Variants in CYP2A13 observed in about 807,000 individuals in gnomAD.
CYP2A13 encodes the protein cytochrome P450 family 2 subfamily A member 13.
CYP2A13 carries 30 observed loss-of-function variants against 39.4 expected under a neutral mutation model. The observed-to-expected ratio is 0.76, with a 90% CI of 0.57 to 1.03. The LOEUF is 1.03. CYP2A13 is among the 50% of genes least tolerant of loss of function. The pLI is 0.00. For missense variants in CYP2A13, 731 were observed against 648.4 expected (o/e 1.13, Z -1.38); for synonymous variants, 269 against 254.7 (o/e 1.06, Z -0.54).
intron 5 of CYP2A13, among the ~76,000 whole-genome samples, chr19:41,093,350 A>C (rs1484083663): frequency 1.3e-5 from 2 of 152,110 alleles, no homozygotes; most frequent in African/African-American, 4.8e-5. Flanking sequence ...GCAACTTAGC[A>C]AGACCAAGTC....
chr19:41,090,185 G>A lies in CYP2A13; in HGVS notation c.482G>A (p.Arg161Gln), dbSNP rs201711732. Residue 161 changes from arginine to glutamine, a missense_variant, in exon 3 of 9, where the codon CGG becomes CAG. Physicochemically the swap from Arg to Gln is conservative, Grantham distance 43. Coordinates refer to ENST00000330436, the MANE Select transcript of CYP2A13 (RefSeq NM_000766.5). ...EEAGFLIDAL[R>Q]GTHGANIDPT... ...GCGGGCTTCCTCATCGACGCCCTCC[G>A]GGGCACGCACGGTGAGTAGGGGACC... 75 of 1,579,738 alleles carry A rather than the reference G, an allele frequency of 4.7e-5. No individual in the cohort carries two copies. The highest frequency in any genetic ancestry group is 1.2e-5 in the South Asian group (1 of 84,608).
At position 41,095,835 on chromosome 19, in the gene CYP2A13, T is replaced by G. The variant is rs759283954; in HGVS notation, c.1379T>G (p.Phe460Cys). Residue 460 changes from phenylalanine (F) to cysteine (C), a missense_variant, in exon 9 of 9, where the codon TTT becomes TGT. Coordinates refer to ENST00000330436, the MANE Select transcript of CYP2A13 (RefSeq NM_000766.5). ...FLFFTTIMQN[F>C]RFKSPQSPKD... Reference sequence around the variant, plus strand: ...TTCTTCACCACCATCATGCAGAACTTTCGCTTCAAGTCCCCTCAGTCGCCT... The same window carrying G: ...TTCTTCACCACCATCATGCAGAACTGTCGCTTCAAGTCCCCTCAGTCGCCT... 5.0e-5 allele frequency: 80 copies of G among 1,613,960 alleles called. No homozygotes were observed. Among genetic ancestry groups the G allele is most frequent in the Non-Finnish European group, 6.4e-5 (75 of 1,179,986 alleles).
Position 41,096,072 on chromosome 19 carries a change from G to A in CYP2A13, c.*131G>A. The A allele has an allele frequency of 7.3e-7, 1 of 1,367,066 alleles. No individual in the cohort carries two copies. Among genetic ancestry groups the A allele is most frequent in the Non-Finnish European group, 1.0e-6 (1 of 1,004,400 alleles). 84.7% of individuals were successfully genotyped at this position (1,367,066 alleles called of 1,614,324 possible). On this transcript the variant is annotated 3_prime_UTR_variant, in exon 9 of 9. Transcript: ENST00000330436. ...AAGGAAGGGGAGAGGTGGTTAGAGG[G>A]AACAGAAGAAACAGAAGGGGCTCAG...
Position 41,093,771 on chromosome 19 carries a change from G to C in CYP2A13, c.973G>C (p.Ala325Pro), listed in dbSNP as rs200396346. The C allele has an allele frequency of 6.2e-7, 1 of 1,613,718 alleles. No homozygotes were observed. Among genetic ancestry groups the C allele is most frequent in the Non-Finnish European group, 8.5e-7 (1 of 1,179,882 alleles). The change falls in exon 6 of 9, where the codon GCC (alanine) becomes CCC (proline). Residue 325 changes from alanine to proline, a missense_variant and splice_region_variant. Physicochemically the swap from Ala to Pro is conservative, Grantham distance 27. Transcript: ENST00000330436. ...GCTCATGAAGCACCCAGAGGTGGAG[G>C]GTAAGACTGGAAAGGGAGGAAAGTG... is the stretch of plus-strand genomic sequence containing the variant. Reference protein sequence around the residue: ...LLLMKHPEVEAKVHEEIDRVI... With the variant: ...LLLMKHPEVEPKVHEEIDRVI...
At chr19:41,090,731 C>T (rs1481206360) in intron 4 of CYP2A13, among the ~76,000 whole-genome samples, 167 bp downstream of exon 4, 1 of 152,030 alleles carries the variant, frequency 6.6e-6, no homozygotes, top group Admixed American at 6.5e-5. Context: ...AGGAGGGATG[C>T]CCAATACCCA....
At chr19:41,093,878 C>A in intron 6 of CYP2A13, 107 bp downstream of exon 6, 1 of 1,335,086 alleles carries the variant, frequency 7.5e-7, no homozygotes, top group East Asian at 2.3e-5. Flanking sequence ...TGAGACGTGC[C>A]TTGCTGTCCA....
chr19:41,089,079 T>G lies in CYP2A13; in HGVS notation c.331T>G (p.Phe111Val), dbSNP rs750639177. 6.2e-7 allele frequency: 1 copy of G among 1,612,466 alleles called. No individual in the cohort carries two copies. Among genetic ancestry groups the G allele is most frequent in the East Asian group, 2.2e-5 (1 of 44,866 alleles). ...RGEQATFDWL[F>V]KGYGVAFSNG... Reference sequence around the variant, plus strand: ...CGAGCAGGCCACCTTCGACTGGCTCTTCAAAGGCTATGGTGAGGGGGTGCC... The same window carrying G: ...CGAGCAGGCCACCTTCGACTGGCTCGTCAAAGGCTATGGTGAGGGGGTGCC... Residue 111 changes from phenylalanine to valine, a missense_variant, in exon 2 of 9, where the codon TTC becomes GTC. Phe to Val is a conservative substitution (Grantham distance 50). Transcript: ENST00000330436.
chr19:41,095,451 A>G (rs1262072385), intron 8 of CYP2A13, among the ~76,000 whole-genome samples: 2 of 152,162 alleles, frequency 1.3e-5, no homozygotes, highest in Non-Finnish European at 2.9e-5. Flanking sequence ...CCTGGCATGG[A>G]TCACCCCATC....
chr19:41,093,911 A>G (rs1190787563), intron 6 of CYP2A13, 140 bp downstream of exon 6: 4 of 1,038,448 alleles, frequency 3.9e-6, no homozygotes, highest in Admixed American at 2.8e-5. Flanking sequence ...TATTCAGCTG[A>G]TAGGCATCAG....
At chr19:41,091,158 C>A (rs1483027974) in intron 4 of CYP2A13, among the ~76,000 whole-genome samples, 3 of 152,182 alleles carry the variant, frequency 2.0e-5, no homozygotes, top group Non-Finnish European at 4.4e-5. Context: ...GTTCCCCAAC[C>A]CTTTCCAATC....
rs755790496 is a variant in CYP2A13 at position 41,088,546 on chromosome 19, G to A, written c.75G>A (p.Arg25=). The A allele has an allele frequency of 1.2e-6, 2 of 1,613,912 alleles. No individual in the cohort carries two copies. The highest frequency in any genetic ancestry group is 1.3e-5 in the African/African-American group (1 of 74,922). The part of the protein sequence containing the change: ...LTVMVLMSVW[R]QRKSRGKLPP... ...TGATGGTCTTGATGTCAGTCTGGCG[G>A]CAGAGGAAGAGCAGGGGGAAGCTGC... The change falls in exon 1 of 9, where the codon CGG becomes CGA. Residue 25 remains arginine (R), a synonymous_variant. Transcript: ENST00000330436.
rs148766170 is a variant in CYP2A13, at chr19:41,094,405, C to G, written c.1134C>G (p.Thr378=). The G allele has an allele frequency of 2.6e-4, 415 of 1,614,078 alleles. No individual in the cohort carries two copies. In the African/African-American group the frequency reaches 4.5e-3, roughly 17 times the overall value. The change falls in exon 7 of 9, where the codon ACC becomes ACG. Residue 378 remains threonine (T), a synonymous_variant. Coordinates refer to ENST00000330436, the MANE Select transcript of CYP2A13 (RefSeq NM_000766.5). ...MGLAHRVNKD[T]KFRDFFLPKG... is the part of the protein sequence containing the mutation. ...TGGCCCACAGGGTCAACAAGGACAC[C>G]AAGTTTCGGGATTTCTTCCTCCCTA...
Position 41,090,493 on chromosome 19 carries a change from G to T in CYP2A13, c.583G>T (p.Asp195Tyr). 1 of 1,614,166 alleles carries T rather than the reference G, an allele frequency of 6.2e-7. No homozygotes were observed. The highest frequency in any genetic ancestry group is 8.5e-7 in the Non-Finnish European group (1 of 1,180,026). ...IVFGDRFDYE[D>Y]KEFLSLLRMM... ...CTTTGGGGACCGCTTTGACTATGAGGACAAAGAGTTCCTGTCACTGTTGCG... is the reference window on the plus strand; with the variant it reads ...CTTTGGGGACCGCTTTGACTATGAGTACAAAGAGTTCCTGTCACTGTTGCG... The change falls in exon 4 of 9, where the codon GAC becomes TAC. Residue 195 changes from aspartate (D) to tyrosine (Y), a missense_variant. By Grantham distance (160) the Asp-to-Tyr change is radical. Transcript: ENST00000330436.
intron 2 of CYP2A13, 30 bp from the exon 3 acceptor site, chr19:41,090,017 C>T (rs1343802565): frequency 1.2e-6 from 2 of 1,602,864 alleles, no homozygotes; most frequent in Non-Finnish European, 1.7e-6. Context: ...GCCCCCTGAC[C>T]TCTCTCCACC....
chr19:41,088,766 G>A, intron 1 of CYP2A13, 115 bp downstream of exon 1: 1 of 1,537,564 alleles, frequency 6.5e-7, no homozygotes, highest in African/African-American at 1.4e-5. Context: ...GAGTCTTGGA[G>A]TTTCAGCATC....
Position 41,090,570 on chromosome 19 carries a change from T to C in CYP2A13, c.654+6T>C, listed in dbSNP as rs759613949. On this transcript the variant is annotated splice_donor_region_variant and intron_variant, in intron 4 of 8. Transcript: ENST00000330436. Reference sequence around the variant, plus strand: ...CGGCAACCTCCACGGGGCAGGTAACTGGCTGCAGCCCGCCAGTGACGCCCC... The same window carrying C: ...CGGCAACCTCCACGGGGCAGGTAACCGGCTGCAGCCCGCCAGTGACGCCCC... 33 of 1,613,912 alleles carry C rather than the reference T, an allele frequency of 2.0e-5. No homozygotes were observed. In the Middle Eastern group the frequency reaches 2.3e-3, roughly 113 times the overall value.
At chr19:41,089,981 G>A in intron 2 of CYP2A13, 66 bp from the exon 3 acceptor site, 5 of 1,508,160 alleles carry the variant, frequency 3.3e-6, no homozygotes, top group Non-Finnish European at 4.4e-6. Context: ...GGAGCCCCTT[G>A]GAGCTGGTCC....
chr19:41,089,946 C>T (rs1427564228), intron 2 of CYP2A13, 101 bp from the exon 3 acceptor site: 94 of 1,407,468 alleles, frequency 6.7e-5, no homozygotes, highest in Middle Eastern at 2.6e-4. Context: ...TCTCCCACCC[C>T]ACTCCCTCTC....
Position 41,095,923 on chromosome 19 carries a change from G to A in CYP2A13, c.1467G>A (p.Met489Ile). The change falls in exon 9 of 9, where the codon ATG (methionine) becomes ATA (isoleucine). Residue 489 changes from methionine (M) to isoleucine (I), a missense_variant. Coordinates refer to ENST00000330436, the MANE Select transcript of CYP2A13 (RefSeq NM_000766.5). Reference sequence around the variant, plus strand: ...CCACGATCCCACGAAACTACACCATGAGCTTCCTGCCCCGCTGAGCGAGGG... The same window carrying A: ...CCACGATCCCACGAAACTACACCATAAGCTTCCTGCCCCGCTGAGCGAGGG... ...GFATIPRNYT[M>I]SFLPR The A allele has an allele frequency of 1.2e-6, 2 of 1,613,300 alleles. No homozygotes were observed. The highest frequency in any genetic ancestry group is 1.7e-6 in the Non-Finnish European group (2 of 1,179,570).
Sources: gnomAD v4.1 joint callset for allele counts (sites outside exome capture counted in the v4.1 genomes callset) on GRCh38, gnomAD v4.1.1 for gene constraint, MANE v1.5 for transcripts, NCBI Gene and HGNC (gene_info 2026-07-23, HGNC 2026-07-21) for gene names.